The following DOCK4 variants were observed in gnomAD, a reference collection of about 807,000 sequenced individuals.
The protein encoded by DOCK4 is dedicator of cytokinesis 4, also known as dedicator of cytokinesis protein 4.
In DOCK4, 97 loss-of-function variants were observed where a neutral mutation model predicts 268.1. The ratio of observed to expected loss-of-function variants is 0.36; its 90% confidence interval spans 0.31 to 0.43. The LOEUF (loss-of-function observed/expected upper bound fraction) is 0.43. DOCK4 is among the 20% of genes least tolerant of loss of function. The pLI is 1.00. For missense variants in DOCK4, 2,145 were observed against 2,455.7 expected, an observed-to-expected ratio of 0.87 and a Z score of 2.67; for synonymous variants, 954 against 887.2, an observed-to-expected ratio of 1.08 and a Z score of -1.34.
At chr7:111,786,694 A>G (rs781702609) in intron 32 of DOCK4, among the ~76,000 whole-genome samples, 1 of 152,178 alleles carries the variant, frequency 6.6e-6, no homozygotes, top group Non-Finnish European at 1.5e-5. Context: ...CATGAATTAC[A>G]CGTAACAAAT....
rs781497094 is a variant in DOCK4, at chr7:111,869,558, A to G, written c.2109+16T>C. On this transcript the variant is annotated intron_variant, in intron 21 of 52. Transcript: ENST00000428084. ...AGCTTTGTTAGACTCTGCTGTTATC[A>G]ACAGCATGTTATCACCTTCAGCACC... The G allele has an allele frequency of 5.0e-6, 8 of 1,612,378 alleles. No homozygotes were observed. The highest frequency in any genetic ancestry group is 4.2e-6 in the Non-Finnish European group (5 of 1,178,798).
At chr7:111,998,179 T>C (rs1800117840) in intron 4 of DOCK4, among the ~76,000 whole-genome samples, 1 of 152,174 alleles carries the variant, frequency 6.6e-6, no homozygotes, top group Admixed American at 6.5e-5. Flanking sequence ...AAGAACCAAC[T>C]CCTTCTGCTC....
rs1563052205 is a variant in DOCK4, at chr7:112,066,697, A to ATGTATGTATGTGTG, written c.38-62567_38-62566insCACACATACATACA. ...TATACATATATACATATACATATATATATATATATATATATATATATATAT... is the reference window on the plus strand; with the variant it reads ...TATACATATATACATATACATATATATGTATGTATGTGTGTATATATATATATATATATATATAT... On this transcript the variant is annotated intron_variant, in intron 1 of 52. Transcript: ENST00000428084. Among the ~76,000 whole-genome samples, 92 of 23,000 alleles carry ATGTATGTATGTGTG rather than the reference A, an allele frequency of 4.0e-3. 2 individuals are homozygous for ATGTATGTATGTGTG. The highest frequency in any genetic ancestry group is 0.013 in the African/African-American group (86 of 6,824). The allele number at this position is 23,000 out of a possible 152,430, so 15.1% of individuals were successfully genotyped here.
chr7:112,172,381 C>T (rs1231238656), intron 1 of DOCK4, among the ~76,000 whole-genome samples: 1 of 152,156 alleles, frequency 6.6e-6, no homozygotes, highest in African/African-American at 2.4e-5. Flanking sequence ...TTTTACCTCC[C>T]TATGAGAAAG....
At chr7:112,134,762 C>T (rs537566198) in intron 1 of DOCK4, among the ~76,000 whole-genome samples, 1 of 151,876 alleles carries the variant, frequency 6.6e-6, no homozygotes, top group Non-Finnish European at 1.5e-5. Context: ...ATATCTAAGA[C>T]CAGAAAAATA....
At chr7:111,820,093 C>T (rs911439416) in intron 27 of DOCK4, 3 of 152,136 alleles carry the variant, frequency 2.0e-5, no homozygotes, top group Non-Finnish European at 2.9e-5. Context: ...TAGTAGAGGG[C>T]TAATTTTCAG....
intron 13 of DOCK4, among the ~76,000 whole-genome samples, chr7:111,912,310 T>C (rs997803970): frequency 6.6e-6 from 1 of 152,182 alleles, no homozygotes; most frequent in Admixed American, 6.5e-5. Flanking sequence ...ATTTGGTCTA[T>C]TGTTTTTCCC....
Position 111,801,404 on chromosome 7 carries a change from C to T in DOCK4, c.3166+7417G>A, listed in dbSNP as rs561209189. ...TCTTTCTTGCCTGTTAAACTTTTCG[C>T]TCCTTAAAACCACACCACATGTGTG... On this transcript the variant is annotated intron_variant, in intron 30 of 52. Coordinates refer to ENST00000428084, the MANE Select transcript of DOCK4 (RefSeq NM_001363540.2). Among the ~76,000 whole-genome samples the T allele has an allele frequency of 4.1e-4, 63 of 152,304 alleles. 1 individual carries two copies. The highest frequency in any genetic ancestry group is 6.8e-3 in the Middle Eastern group (2 of 294).
chr7:111,811,901 G>T lies in DOCK4; in HGVS notation c.2979C>A (p.Asn993Lys). The T allele has an allele frequency of 6.6e-7, 1 of 1,526,338 alleles. No individual in the cohort carries two copies. Among genetic ancestry groups the T allele is most frequent in the Non-Finnish European group, 8.9e-7 (1 of 1,126,130 alleles). The allele number at this position is 1,526,338 out of a possible 1,614,324, so 94.5% of individuals were successfully genotyped here. A position where few individuals can be genotyped will look rare whatever the true frequency, so the allele number is the denominator to read the frequency against. The part of the protein sequence containing the change: ...VLYLSDALRK[N>K]FLNENFDYKI... ...TATAATCAAAGTTTTCATTTAAGAA[G>T]TTCTTACGAAGTGCATCTGAGAGGT... is the stretch of plus-strand genomic sequence containing the variant. The change falls in exon 28 of 53, where the codon AAC (asparagine) becomes AAA (lysine). Residue 993 changes from asparagine to lysine, a missense_variant. By Grantham distance (94) the Asn-to-Lys change is moderately conservative (BLOSUM62 0). Coordinates refer to ENST00000428084, the MANE Select transcript of DOCK4 (RefSeq NM_001363540.2).
chr7:111,859,378 C>G (rs1236415659), intron 23 of DOCK4, among the ~76,000 whole-genome samples: 1 of 152,010 alleles, frequency 6.6e-6, no homozygotes, highest in African/African-American at 2.4e-5. Flanking sequence ...AGTCTTATTT[C>G]CATATTTTGG....
intron 1 of DOCK4, among the ~76,000 whole-genome samples, chr7:112,178,903 C>A (rs56792527): frequency 0.056 from 8,452 of 152,162 alleles, 416 homozygotes; most frequent in African/African-American, 0.13. Context: ...CATAGGCTAA[C>A]CAAGCCATGA....
At chr7:112,096,146 T>A (rs545632025) in intron 1 of DOCK4, among the ~76,000 whole-genome samples, 6 of 151,974 alleles carry the variant, frequency 3.9e-5, no homozygotes, top group African/African-American at 1.5e-4. Flanking sequence ...TCTTCAACTA[T>A]ATAAAATTTG....
intron 32 of DOCK4, chr7:111,788,422 A>G: frequency 2.1e-6 from 1 of 484,034 alleles, no homozygotes. Context: ...TTTGTTATGT[A>G]ACATATGCAA....
rs373652192 is a variant in DOCK4 at position 111,895,006 on chromosome 7, T to A, written c.1587+606A>T. ...AAAGGAGGAATATTTTGGAGAAAAT[T>A]GCCTGTGCACTTAAAAATACATTTT... On this transcript the variant is annotated intron_variant, in intron 16 of 52. Transcript: ENST00000428084. 1.4e-4 allele frequency among the ~76,000 whole-genome samples: 22 copies of A among 152,334 alleles called. No homozygotes were observed. In the East Asian group the frequency reaches 3.3e-3, roughly 23 times the overall value.
chr7:111,756,890 T>C (rs1467739586), intron 41 of DOCK4, among the ~76,000 whole-genome samples: 2 of 149,560 alleles, frequency 1.3e-5, no homozygotes, highest in Admixed American at 1.3e-4. Flanking sequence ...GAGCTCAGAG[T>C]GAAGAGAAAG....
rs557608752 is a variant in DOCK4, at chr7:112,157,725, G to A, written c.37+48377C>T. Among the ~76,000 whole-genome samples the A allele has an allele frequency of 9.2e-5, 14 of 152,256 alleles. No homozygotes were observed. The South Asian group carries it at 2.9e-3, about 32-fold the overall frequency. ...GGTGTCCTGGTATAATCAAGGAAGT[G>A]TGGCATGACTTCCGCTAAGGCTAAA... On this transcript the variant is annotated intron_variant, in intron 1 of 52. Coordinates refer to ENST00000428084, the MANE Select transcript of DOCK4 (RefSeq NM_001363540.2).
At chr7:112,103,219 CT>C (rs1174598215) in intron 1 of DOCK4, among the ~76,000 whole-genome samples, 1 of 152,088 alleles carries the variant, frequency 6.6e-6, no homozygotes, top group Non-Finnish European at 1.5e-5. Context: ...ACATAATTCA[CT>C]TTTATGTTTT....
intron 1 of DOCK4, among the ~76,000 whole-genome samples, chr7:112,047,522 CA>C: frequency 1.3e-5 from 2 of 151,932 alleles, no homozygotes; most frequent in South Asian, 4.2e-4. Flanking sequence ...TTAGAAAGAC[CA>C]AAATCAAATT....
At chr7:112,162,305 G>A (rs898764953) in intron 1 of DOCK4, among the ~76,000 whole-genome samples, 1 of 151,914 alleles carries the variant, frequency 6.6e-6, no homozygotes, top group Non-Finnish European at 1.5e-5. Flanking sequence ...CACTCTGCAG[G>A]GCCTGGGCTG....
Sources: allele counts gnomAD v4.1 joint callset (sites outside exome capture counted in the v4.1 genomes callset), GRCh38; gene constraint gnomAD v4.1.1; transcripts MANE v1.5; gene names NCBI Gene and HGNC (gene_info 2026-07-23, HGNC 2026-07-21).